Variants in PTPRK observed in about 807,000 individuals in gnomAD.
PTPRK encodes protein tyrosine phosphatase receptor type K, also known as receptor-type tyrosine-protein phosphatase kappa.
In PTPRK, 75 loss-of-function variants were observed where a neutral mutation model predicts 178.0. The ratio of observed to expected loss-of-function variants is 0.42; its 90% confidence interval spans 0.35 to 0.51. The LOEUF (loss-of-function observed/expected upper bound fraction) is 0.51. Among genes scored for constraint, PTPRK ranks in the 20% least tolerant of loss-of-function variants. The probability of loss-of-function intolerance (pLI) is 0.02; values close to 1 mark genes in which losing one functional copy is unlikely to be tolerated. For missense variants in PTPRK, 1,441 were observed against 1,797.8 expected (o/e 0.80, Z 3.59); for synonymous variants, 637 against 620.6 (o/e 1.03, Z -0.39).
intron 1 of PTPRK, among the ~76,000 whole-genome samples, chr6:128,472,246 G>A (rs1366867916): frequency 1.3e-5 from 2 of 152,040 alleles, no homozygotes; most frequent in African/African-American, 4.8e-5. Flanking sequence ...TATTTGAATA[G>A]TGCCTCAGAA....
At chr6:128,464,638 C>CATATATATATATATATATATATAT (rs10665667) in intron 1 of PTPRK, among the ~76,000 whole-genome samples, 1 of 48,600 alleles carries the variant, frequency 2.1e-5, no homozygotes, top group South Asian at 9.2e-4. Flanking sequence ...TATATATACA[C>CATATATATATATATATATATATAT]ATATATATAT....
chr6:128,007,228 C>A (rs753906828), intron 14 of PTPRK, among the ~76,000 whole-genome samples: 6 of 150,704 alleles, frequency 4.0e-5, no homozygotes, highest in Non-Finnish European at 8.9e-5. Context: ...AAAGTCATTA[C>A]AAAATTGCTT....
At chr6:128,433,504 T>G (rs537886011) in intron 1 of PTPRK, among the ~76,000 whole-genome samples, 1 of 152,086 alleles carries the variant, frequency 6.6e-6, no homozygotes, top group African/African-American at 2.4e-5. Context: ...TTTTGTATTT[T>G]GTTTGTTTGT....
chr6:128,501,698 T>C (rs1855584812), intron 1 of PTPRK, among the ~76,000 whole-genome samples: 2 of 152,302 alleles, frequency 1.3e-5, no homozygotes, highest in South Asian at 2.1e-4. Flanking sequence ...CTAACACTGA[T>C]AGAGATTAAA....
chr6:128,352,477 A>G (rs1833325939), intron 2 of PTPRK, among the ~76,000 whole-genome samples: 2 of 152,040 alleles, frequency 1.3e-5, no homozygotes, highest in Non-Finnish European at 2.9e-5. Context: ...GTATAAAGAT[A>G]AAGTATTTAA....
At chr6:128,424,117 C>G (rs927575843) in intron 1 of PTPRK, among the ~76,000 whole-genome samples, 1 of 151,628 alleles carries the variant, frequency 6.6e-6, no homozygotes, top group Non-Finnish European at 1.5e-5. Flanking sequence ...CCTGTAGTCC[C>G]AGTTACTTGG....
chr6:128,464,620 CATATATATATATATACACATATATAT>C lies in PTPRK; in HGVS notation c.100+55613_100+55638del, dbSNP rs1849516385. 9.0e-5 allele frequency among the ~76,000 whole-genome samples: 8 copies of C among 88,820 alleles called. No homozygotes were observed. In the South Asian group the frequency reaches 2.9e-3, roughly 32 times the overall value. 58.3% of individuals were successfully genotyped at this position (88,820 alleles called of 152,430 possible). ...GTTTAAATATATATATATACATATA[CATATATATATATATACACATATATAT>C]ATATATATATATATATATATATATA... is the stretch of plus-strand genomic sequence containing the variant. On this transcript the variant is annotated intron_variant, in intron 1 of 29. Transcript: ENST00000368226.
chr6:128,028,575 G>T (rs1774727039), intron 13 of PTPRK, among the ~76,000 whole-genome samples: 1 of 152,092 alleles, frequency 6.6e-6, no homozygotes, highest in Non-Finnish European at 1.5e-5. Context: ...ATGGTCTCTG[G>T]TTTTTCTACC....
chr6:128,281,163 A>G (rs1243816762), intron 3 of PTPRK, among the ~76,000 whole-genome samples: 1 of 152,132 alleles, frequency 6.6e-6, no homozygotes, highest in Non-Finnish European at 1.5e-5. Flanking sequence ...ACTCTGCTGA[A>G]CCCTGCAGAG....
rs573033571 is a variant in PTPRK, at chr6:128,114,578, G to A, written c.1163-24586C>T. 5.8e-4 allele frequency among the ~76,000 whole-genome samples: 86 copies of A among 149,058 alleles called. 1 individual carries two copies. The highest frequency in any genetic ancestry group is 1.4e-3 in the African/African-American group (57 of 40,376). On this transcript the variant is annotated intron_variant, in intron 7 of 29. Transcript: ENST00000368226. The stretch of plus-strand genomic sequence containing the variant: ...GTGGAGGTTGCAATGAGCCAAGGTC[G>A]CGCCACTGCACTCCAGCCTGGGTGA...
At chr6:128,424,841 T>C (rs1038721866) in intron 1 of PTPRK, among the ~76,000 whole-genome samples, 15 of 152,184 alleles carry the variant, frequency 9.9e-5, no homozygotes, top group African/African-American at 3.6e-4. Context: ...TTTAGATATG[T>C]TAAAATGTGA....
chr6:128,364,986 G>A (rs1835288536), intron 2 of PTPRK, among the ~76,000 whole-genome samples: 1 of 151,898 alleles, frequency 6.6e-6, no homozygotes. Flanking sequence ...GTATGAGTTT[G>A]ATAAGCTATG....
At chr6:128,238,263 T>C in intron 5 of PTPRK, 4 of 378,572 alleles carry the variant, frequency 1.1e-5, no homozygotes, top group Non-Finnish European at 2.0e-5. Flanking sequence ...TCATAGAATA[T>C]TTTACCTCTC....
intron 3 of PTPRK, among the ~76,000 whole-genome samples, chr6:128,310,444 A>T (rs1827065675): frequency 6.6e-6 from 1 of 152,202 alleles, no homozygotes; most frequent in African/African-American, 2.4e-5. Flanking sequence ...TTTCCAAAAA[A>T]ACAAACAAAC....
At chr6:128,164,284 A>C (rs1268096082) in intron 7 of PTPRK, among the ~76,000 whole-genome samples, 1 of 151,442 alleles carries the variant, frequency 6.6e-6, no homozygotes, top group Non-Finnish European at 1.5e-5. Context: ...AGCTTAGCTC[A>C]CTATAGAGAA....
intron 13 of PTPRK, among the ~76,000 whole-genome samples, chr6:128,030,339 T>C (rs532163175): frequency 1.3e-5 from 2 of 152,254 alleles, no homozygotes; most frequent in East Asian, 1.9e-4. Context: ...AGTGACAACA[T>C]ACTCCGCTCT....
intron 3 of PTPRK, among the ~76,000 whole-genome samples, chr6:128,286,775 A>G (rs1187238836): frequency 6.6e-6 from 1 of 152,182 alleles, no homozygotes; most frequent in Non-Finnish European, 1.5e-5. Flanking sequence ...GTGTAAATTA[A>G]TCTAATTCTC....
intron 1 of PTPRK, among the ~76,000 whole-genome samples, chr6:128,509,915 A>G (rs1441713400): frequency 6.6e-6 from 1 of 152,172 alleles, no homozygotes; most frequent in Non-Finnish European, 1.5e-5. Context: ...TGGTTTAGAT[A>G]AAGGGGCATA....
intron 13 of PTPRK, among the ~76,000 whole-genome samples, chr6:128,030,946 C>G (rs1366360223): frequency 6.6e-6 from 1 of 152,112 alleles, no homozygotes; most frequent in Admixed American, 6.6e-5. Flanking sequence ...ATTTATTAGA[C>G]ACTTACTAGG....
Sources: allele counts gnomAD v4.1 joint callset (sites outside exome capture counted in the v4.1 genomes callset), GRCh38; gene constraint gnomAD v4.1.1; transcripts MANE v1.5; gene names NCBI Gene and HGNC (gene_info 2026-07-23, HGNC 2026-07-21).